The following DNAH12 variants were observed in gnomAD, a reference collection of about 807,000 sequenced individuals.
The protein encoded by DNAH12 is axonemal beta dynein heavy chain 12.
A neutral mutation model predicts 371.5 loss-of-function variants in DNAH12; 285 were observed. That is an observed-to-expected ratio of 0.77 (90% CI 0.70 to 0.85). The LOEUF is 0.85. DNAH12 is among the 40% of genes least tolerant of loss of function. The probability of loss-of-function intolerance (pLI) is 0.00; values close to 1 mark genes in which losing one functional copy is unlikely to be tolerated. For missense variants in DNAH12, 3,611 were observed against 3,689.4 expected (o/e 0.98, Z 0.55); for synonymous variants, 1,200 against 1,213.0 (o/e 0.99, Z 0.22).
chr3:57,435,373 C>CCAA (rs1553691248), intron 30 of DNAH12, among the ~76,000 whole-genome samples: 4 of 94,744 alleles, frequency 4.2e-5, no homozygotes, highest in African/African-American at 1.2e-4. Flanking sequence ...CTCTGTCTCC[C>CCAA]AAAAAAAAAA....
chr3:57,302,870 C>G (rs1405541316), intron 69 of DNAH12, among the ~76,000 whole-genome samples: 1 of 150,774 alleles, frequency 6.6e-6, no homozygotes, highest in Admixed American at 6.6e-5. Context: ...GCCACTGCGC[C>G]TGGCCAGGTA....
intron 13 of DNAH12, among the ~76,000 whole-genome samples, chr3:57,474,713 C>T (rs897424518): frequency 2.0e-5 from 3 of 152,156 alleles, no homozygotes; most frequent in African/African-American, 7.2e-5. Context: ...AATCCCAACA[C>T]TTTGGGAGGC....
chr3:57,417,898 C>T (rs1019195870), intron 37 of DNAH12, among the ~76,000 whole-genome samples: 1 of 152,018 alleles, frequency 6.6e-6, no homozygotes, highest in Admixed American at 6.6e-5. Context: ...AGCCTGTAAT[C>T]CCAGCACTTT....
chr3:57,308,099 A>G (rs975605687), intron 69 of DNAH12, among the ~76,000 whole-genome samples: 1 of 152,108 alleles, frequency 6.6e-6, no homozygotes, highest in Non-Finnish European at 1.5e-5. Context: ...GGACTGGCAA[A>G]TTGGCTTTAC....
At chr3:57,542,477 T>C (rs564138576) in intron 2 of DNAH12, among the ~76,000 whole-genome samples, 11 of 152,304 alleles carry the variant, frequency 7.2e-5, no homozygotes, top group Admixed American at 1.3e-4. Flanking sequence ...ACCTACCTTA[T>C]AGGATTGTTG....
intron 2 of DNAH12, among the ~76,000 whole-genome samples, chr3:57,524,901 A>C (rs1345020474): frequency 6.6e-6 from 1 of 152,162 alleles, no homozygotes; most frequent in African/African-American, 2.4e-5. Context: ...TAAAGGCCTC[A>C]AAAACAAGCT....
intron 50 of DNAH12, among the ~76,000 whole-genome samples, chr3:57,381,727 C>T (rs1009864362): frequency 7.8e-4 from 118 of 152,188 alleles, no homozygotes; most frequent in Non-Finnish European, 1.4e-3. Flanking sequence ...TGCTATACTG[C>T]TTAACTCAGA....
Position 57,502,102 on chromosome 3 carries a change from T to A in DNAH12, c.1243+221A>T, listed in dbSNP as rs867354393. On this transcript the variant is annotated intron_variant, in intron 10 of 73. Coordinates refer to ENST00000495027, the MANE Select transcript of DNAH12 (RefSeq NM_001366028.2). ...TTTGTATTTTTTAGTAGAGACGGGGTTTCACCGTGTTAGCCAGGATGGTCT... is the reference window on the plus strand; with the variant it reads ...TTTGTATTTTTTAGTAGAGACGGGGATTCACCGTGTTAGCCAGGATGGTCT... 2.4e-4 allele frequency among the ~76,000 whole-genome samples: 36 copies of A among 151,992 alleles called. No individual in the cohort carries two copies. In the South Asian group the frequency reaches 3.5e-3, roughly 15 times the overall value.
rs35536105 is a variant in DNAH12 at position 57,432,336 on chromosome 3, A to ATT, written c.4980+1029_4980+1030dup. Among the ~76,000 whole-genome samples the ATT allele has an allele frequency of 2.7e-3, 367 of 137,806 alleles. 1 individual carries two copies. Among genetic ancestry groups the ATT allele is most frequent in the East Asian group, 3.9e-3 (18 of 4,670 alleles). The allele number at this position is 137,806 out of a possible 152,430, so 90.4% of individuals were successfully genotyped here. A position where few individuals can be genotyped will look rare whatever the true frequency, so the allele number is the denominator to read the frequency against. On this transcript the variant is annotated intron_variant, in intron 32 of 73. Coordinates refer to ENST00000495027, the MANE Select transcript of DNAH12 (RefSeq NM_001366028.2). ...AGGCGCGCGCCACCACACCCAGCTA[A>ATT]TTTTTTTTTTTTTTTTGTATTTTAG...
At chr3:57,381,105 A>C (rs1392222305) in intron 50 of DNAH12, among the ~76,000 whole-genome samples, 1 of 152,182 alleles carries the variant, frequency 6.6e-6, no homozygotes, top group East Asian at 1.9e-4. Flanking sequence ...TTAAAGGAGA[A>C]AGCAGAAGGC....
rs1002500698 is a variant in DNAH12 at position 57,309,393 on chromosome 3, A to G, written c.11086-139T>C. 7 of 741,876 alleles carry G rather than the reference A, an allele frequency of 9.4e-6. No homozygotes were observed. In the African/African-American group the frequency reaches 1.1e-4, roughly 11 times the overall value. 46.0% of individuals were successfully genotyped at this position (741,876 alleles called of 1,614,324 possible). ...ACGTACAGTAATGTATATAAGTCCT[A>G]TGTACCTTAGCTCATCCACAACCAC... On this transcript the variant is annotated intron_variant, in intron 68 of 73. Coordinates refer to ENST00000495027, the MANE Select transcript of DNAH12 (RefSeq NM_001366028.2).
At chr3:57,541,449 T>C (rs1488981584) in intron 2 of DNAH12, among the ~76,000 whole-genome samples, 1 of 152,124 alleles carries the variant, frequency 6.6e-6, no homozygotes, top group African/African-American at 2.4e-5. Context: ...CACTACAGCT[T>C]TGACCTCCTG....
intron 44 of DNAH12, among the ~76,000 whole-genome samples, chr3:57,393,625 C>CAAAAAAAAAAAAAAAAAAAAAAAAAA (rs1180952196): frequency 1.1e-4 from 7 of 64,298 alleles, no homozygotes; most frequent in African/African-American, 1.7e-4. Context: ...GACTCTGTCT[C>CAAAAAAAAAAAAAAAAAAAAAAAAAA]AAAAAAAAAA....
At chr3:57,516,103 G>A (rs563288855) in intron 4 of DNAH12, among the ~76,000 whole-genome samples, 216 of 114,534 alleles carry the variant, frequency 1.9e-3, no homozygotes, top group African/African-American at 7.1e-3. Flanking sequence ...TCCCTCCGTC[G>A]CCCAGGCTGG....
At chr3:57,356,488 T>A (rs1051921417) in intron 59 of DNAH12, among the ~76,000 whole-genome samples, 1 of 141,568 alleles carries the variant, frequency 7.1e-6, no homozygotes. Flanking sequence ...AATAAATAAA[T>A]AAAATAAAGA....
intron 2 of DNAH12, among the ~76,000 whole-genome samples, chr3:57,542,099 A>G (rs1472906376): frequency 7.7e-6 from 1 of 130,562 alleles, no homozygotes; most frequent in Non-Finnish European, 1.6e-5. Flanking sequence ...AACTGAACCA[A>G]CCTCATCACA....
intron 2 of DNAH12, among the ~76,000 whole-genome samples, chr3:57,527,271 A>G (rs1214177180): frequency 6.6e-6 from 1 of 152,156 alleles, no homozygotes; most frequent in African/African-American, 2.4e-5. Flanking sequence ...CCATGGCAGG[A>G]GGATTGCTTG....
chr3:57,370,463 G>A (rs1245237468), intron 55 of DNAH12, among the ~76,000 whole-genome samples: 19 of 152,162 alleles, frequency 1.2e-4, no homozygotes, highest in African/African-American at 4.3e-4. Context: ...AAGACAGAAA[G>A]TGAGGAAGCT....
In DNAH12 at chr3:57,352,213, C is replaced by T. The variant is rs1553660666; in HGVS notation, c.9546G>A (p.Lys3182=). ...INSIHDSNKS[K]ILEKRLRYLN... ...AATATCGTAGGCGCTTTTCCAAAATCTTGGATTTGTTACTAAAGTTAAAAA... is the reference window on the plus strand; with the variant it reads ...AATATCGTAGGCGCTTTTCCAAAATTTTGGATTTGTTACTAAAGTTAAAAA... Residue 3182 remains lysine (K), a synonymous_variant, in exon 60 of 74, where the codon AAG becomes AAA. Coordinates refer to ENST00000495027, the MANE Select transcript of DNAH12 (RefSeq NM_001366028.2). 1.6e-5 allele frequency: 25 copies of T among 1,530,164 alleles called. No homozygotes were observed. The highest frequency in any genetic ancestry group is 2.5e-5 in the East Asian group (1 of 40,538). 94.8% of individuals were successfully genotyped at this position (1,530,164 alleles called of 1,614,324 possible).
Sources: gnomAD v4.1 joint callset for allele counts (sites outside exome capture counted in the v4.1 genomes callset) on GRCh38, gnomAD v4.1.1 for gene constraint, MANE v1.5 for transcripts, NCBI Gene and HGNC (gene_info 2026-07-23, HGNC 2026-07-21) for gene names.